The following HTR1F variants were observed in gnomAD, a reference collection of about 807,000 sequenced individuals.
HTR1F encodes 5-hydroxytryptamine (serotonin) receptor 1F, G protein-coupled.
A neutral mutation model predicts 24.0 loss-of-function variants in HTR1F; 17 were observed. That is an observed-to-expected ratio of 0.71 (90% CI 0.48 to 1.06). HTR1F has a LOEUF of 1.06. Ranked by LOEUF, HTR1F falls within the 50% of genes least tolerant of loss-of-function variation. The pLI is 0.00. For missense variants in HTR1F, 391 were observed against 427.8 expected, an observed-to-expected ratio of 0.91 and a Z score of 0.76; for synonymous variants, 186 against 156.8, an observed-to-expected ratio of 1.19 and a Z score of -1.39.
At chr3:87,815,049 A>G (rs947589067) in intron 1 of HTR1F, among the ~76,000 whole-genome samples, 1 of 152,118 alleles carries the variant, frequency 6.6e-6, no homozygotes, top group Non-Finnish European at 1.5e-5. Flanking sequence ...TGTAGCCTCT[A>G]TGGTTCAGGA....
intron 2 of HTR1F, among the ~76,000 whole-genome samples, chr3:87,853,158 G>A (rs1027858635): frequency 3.3e-5 from 5 of 151,560 alleles, no homozygotes; most frequent in African/African-American, 4.8e-5. Flanking sequence ...AGATTATTTT[G>A]TCACACAGGT....
Position 87,978,890 on chromosome 3 carries a change from GAGGA to G in HTR1F, c.-42-11776_-42-11773del, listed in dbSNP as rs1184108024. ...GATGGAAGGAAGGGAGGGAGGGAGG[GAGGA>G]AGGAAGGAAGGAAGGAAGGAAGGAA... On this transcript the variant is annotated intron_variant, in intron 2 of 2. Coordinates refer to ENST00000319595, the MANE Select transcript of HTR1F (RefSeq NM_001322209.2). Among the ~76,000 whole-genome samples the G allele has an allele frequency of 1.9e-3, 87 of 46,172 alleles. 2 individuals carry two copies. Among genetic ancestry groups the G allele is most frequent in the African/African-American group, 4.8e-3 (59 of 12,244 alleles). The allele number at this position is 46,172 out of a possible 152,430, so 30.3% of individuals were successfully genotyped here.
intron 2 of HTR1F, among the ~76,000 whole-genome samples, chr3:87,864,259 C>T (rs980960698): frequency 9.2e-5 from 14 of 152,090 alleles, no homozygotes; most frequent in African/African-American, 3.1e-4. Context: ...TTTGGGAGGC[C>T]GTTATTTGGC....
intron 2 of HTR1F, among the ~76,000 whole-genome samples, chr3:87,970,619 C>T (rs1705265383): frequency 6.6e-6 from 1 of 152,130 alleles, no homozygotes; most frequent in African/African-American, 2.4e-5. Context: ...TTTCTGTGAT[C>T]AATTGGAAAA....
At chr3:87,858,969 G>A (rs28665353) in intron 2 of HTR1F, among the ~76,000 whole-genome samples, 1,703 of 152,220 alleles carry the variant, frequency 0.011, 28 homozygotes, top group African/African-American at 0.038. Flanking sequence ...GCCAAGGAGG[G>A]TGGATCCTCT....
chr3:87,833,796 C>G (rs187287267), intron 2 of HTR1F, among the ~76,000 whole-genome samples: 1 of 152,136 alleles, frequency 6.6e-6, no homozygotes, highest in Non-Finnish European at 1.5e-5. Context: ...TAAGCCACCA[C>G]GTGCCCGGCC....
intron 2 of HTR1F, among the ~76,000 whole-genome samples, chr3:87,886,733 T>C (rs767077648): frequency 2.6e-5 from 4 of 152,086 alleles, no homozygotes; most frequent in African/African-American, 9.7e-5. Context: ...CCATTCACAA[T>C]TGCTACAGAG....
chr3:87,846,392 G>T (rs1330534625), intron 2 of HTR1F, among the ~76,000 whole-genome samples: 3 of 151,750 alleles, frequency 2.0e-5, no homozygotes, highest in African/African-American at 4.9e-5. Flanking sequence ...AGCCAAGATT[G>T]TGCCACTGCA....
intron 2 of HTR1F, among the ~76,000 whole-genome samples, chr3:87,859,934 T>C (rs1847313): frequency 6.6e-6 from 1 of 152,082 alleles, no homozygotes; most frequent in Admixed American, 6.6e-5. Flanking sequence ...TTGACCTAAA[T>C]TGATATCTTA....
chr3:87,973,978 C>T (rs946761857), intron 2 of HTR1F, among the ~76,000 whole-genome samples: 5 of 152,130 alleles, frequency 3.3e-5, no homozygotes, highest in East Asian at 1.9e-4. Context: ...ACATAGATGT[C>T]GGAATTACAC....
chr3:87,801,493 A>G (rs1703988984), intron 1 of HTR1F, among the ~76,000 whole-genome samples: 2 of 152,212 alleles, frequency 1.3e-5, no homozygotes, highest in Admixed American at 6.5e-5. Flanking sequence ...GCTAGGTTTT[A>G]TACATTTTAG....
At chr3:87,850,796 A>G (rs1184983155) in intron 2 of HTR1F, among the ~76,000 whole-genome samples, 1 of 151,376 alleles carries the variant, frequency 6.6e-6, no homozygotes, top group Non-Finnish European at 1.5e-5. Flanking sequence ...TGCAGATTTA[A>G]TTGTATTTAG....
chr3:87,967,583 T>C (rs1705193984), intron 2 of HTR1F, among the ~76,000 whole-genome samples: 1 of 18,578 alleles, frequency 5.4e-5, no homozygotes, highest in South Asian at 0.017. Context: ...GGTAATTGAA[T>C]CATGGGGGGG....
At chr3:87,805,859 T>C (rs1219094261) in intron 1 of HTR1F, among the ~76,000 whole-genome samples, 1 of 152,122 alleles carries the variant, frequency 6.6e-6, no homozygotes, top group Non-Finnish European at 1.5e-5. Flanking sequence ...GTTACCATAC[T>C]CTGCTATCAA....
intron 2 of HTR1F, among the ~76,000 whole-genome samples, chr3:87,939,980 T>C (rs1422732333): frequency 1.3e-5 from 2 of 152,244 alleles, no homozygotes; most frequent in East Asian, 3.8e-4. Flanking sequence ...AGATCTTTCC[T>C]GCATTCTCCT....
At chr3:87,975,997 T>G (rs1378252468) in intron 2 of HTR1F, among the ~76,000 whole-genome samples, 1 of 152,220 alleles carries the variant, frequency 6.6e-6, no homozygotes, top group Non-Finnish European at 1.5e-5. Context: ...CACCAAGCCA[T>G]GAGTGCCCGA....
intron 2 of HTR1F, among the ~76,000 whole-genome samples, chr3:87,982,561 C>T (rs963791853): frequency 2.0e-5 from 3 of 152,296 alleles, no homozygotes; most frequent in Middle Eastern, 3.4e-3. Flanking sequence ...TAGCTATAAT[C>T]CAGACTACTT....
rs117623476 is a variant in HTR1F, at chr3:87,805,808, G to T, written c.-160+12966G>T. On this transcript the variant is annotated intron_variant, in intron 1 of 2. Coordinates refer to ENST00000319595, the MANE Select transcript of HTR1F (RefSeq NM_001322209.2). Reference sequence around the variant, plus strand: ...ACGTGTACCCTGGAACTTAAAAAAAGAAAAGAAAATGAAATATGCAATACA... The same window carrying T: ...ACGTGTACCCTGGAACTTAAAAAAATAAAAGAAAATGAAATATGCAATACA... Among the ~76,000 whole-genome samples the T allele has an allele frequency of 2.0e-5, 3 of 152,096 alleles. No individual in the cohort carries two copies. In the East Asian group the frequency reaches 5.8e-4, roughly 29 times the overall value.
chr3:87,834,564 C>T (rs1704645475), intron 2 of HTR1F, among the ~76,000 whole-genome samples: 1 of 151,834 alleles, frequency 6.6e-6, no homozygotes, highest in Admixed American at 6.6e-5. Context: ...GTCTTTTGAT[C>T]CCTAATGCCT....
Sources: gnomAD v4.1 joint callset for allele counts (sites outside exome capture counted in the v4.1 genomes callset) on GRCh38, gnomAD v4.1.1 for gene constraint, MANE v1.5 for transcripts, NCBI Gene and HGNC (gene_info 2026-07-23, HGNC 2026-07-21) for gene names.